The following ADGRA3 variants were observed in gnomAD, a reference collection of about 807,000 sequenced individuals.
ADGRA3 encodes the protein G-protein coupled receptor 125.
ADGRA3 carries 56 observed loss-of-function variants against 119.8 expected under a neutral mutation model. The observed-to-expected ratio is 0.47, with a 90% CI of 0.38 to 0.58. ADGRA3 has a LOEUF of 0.58. Among genes scored for constraint, ADGRA3 ranks in the 20% least tolerant of loss-of-function variants. The pLI is 0.00. For synonymous variants in ADGRA3, 607 were observed against 623.8 expected (o/e 0.97, Z 0.40); for missense variants, 1,516 against 1,649.0 (o/e 0.92, Z 1.40).
In ADGRA3 at chr4:22,388,067, C is replaced by T. The variant is rs141222776; in HGVS notation, c.3604G>A (p.Val1202Met). ...CGGCTTTTAGGTAAGCCGTTCTGCA[C>T]GCTTCCTTCCACGCTCGTTGGGACA... ...YDVPTSVEGS[V>M]QNGLPKSRLG... is the part of the protein sequence containing the mutation. Residue 1202 changes from valine (V) to methionine (M), a missense_variant, in exon 19 of 19, where the codon GTG becomes ATG. This residue lies in a region of ADGRA3 where 1,088 missense variants were observed against 1,107.1 expected (regional missense o/e 0.98). Transcript: ENST00000334304. 4.1e-5 allele frequency: 66 copies of T among 1,614,056 alleles called. No individual in the cohort carries two copies. In the Admixed American group the frequency reaches 5.5e-4, roughly 13 times the overall value.
rs776705989 is a variant in ADGRA3, at chr4:22,388,188, C to A, written c.3483G>T (p.Gln1161His). 9.9e-6 allele frequency: 16 copies of A among 1,614,096 alleles called. No individual in the cohort carries two copies. In the African/African-American group the frequency reaches 2.0e-4, roughly 20 times the overall value. The change falls in exon 19 of 19, where the codon CAG becomes CAT. Residue 1161 changes from glutamine to histidine, a missense_variant. By Grantham distance (24) the Gln-to-His change is conservative. Around this residue, in one of 2 missense-constraint regions of ADGRA3, gnomAD observed 1,088 missense variants for 1,107.1 expected, o/e 0.98. Coordinates refer to ENST00000334304, the MANE Select transcript of ADGRA3 (RefSeq NM_145290.4). ...GGCTTGAGTGCACATTTGTTCGAAA[C>A]TGAACTTCTAAAGGCGCCACGTGCA... ...IKMHVAPLEVQFRTNVHSSRH... is the reference protein window; with the variant it reads ...IKMHVAPLEVHFRTNVHSSRH...
chr4:22,499,354 G>A (rs191773146), intron 1 of ADGRA3, among the ~76,000 whole-genome samples: 1 of 152,296 alleles, frequency 6.6e-6, no homozygotes. Context: ...TTACTAGTCA[G>A]GAAAGTGAAG....
intron 2 of ADGRA3, among the ~76,000 whole-genome samples, chr4:22,463,214 C>T (rs1717535524): frequency 6.6e-6 from 1 of 152,216 alleles, no homozygotes; most frequent in Non-Finnish European, 1.5e-5. Context: ...GCTTCCAACA[C>T]TATTCTTCAT....
chr4:22,479,752 C>A (rs374315001), intron 1 of ADGRA3, among the ~76,000 whole-genome samples: 1 of 152,062 alleles, frequency 6.6e-6, no homozygotes, highest in African/African-American at 2.4e-5. Context: ...AACCCAAATG[C>A]CCATCAATGA....
chr4:22,458,696 C>T (rs1288427718), intron 3 of ADGRA3, among the ~76,000 whole-genome samples: 1 of 152,150 alleles, frequency 6.6e-6, no homozygotes, highest in Non-Finnish European at 1.5e-5. Context: ...GGCTTGGTCC[C>T]ATGCAATCTG....
chr4:22,436,100 C>T (rs1026512038), intron 9 of ADGRA3, among the ~76,000 whole-genome samples: 42 of 152,076 alleles, frequency 2.8e-4, no homozygotes, highest in African/African-American at 9.9e-4. Context: ...GTATTCTAAG[C>T]AATCGCTTTC....
At chr4:22,438,776 G>A (rs1190014182) in intron 7 of ADGRA3, among the ~76,000 whole-genome samples, 1 of 152,046 alleles carries the variant, frequency 6.6e-6, no homozygotes, top group East Asian at 1.9e-4. Context: ...CGGGTGGCAG[G>A]AGTTCAAGAC....
chr4:22,393,508 G>T (rs902216590), intron 16 of ADGRA3: 5 of 152,090 alleles, frequency 3.3e-5, no homozygotes, highest in Non-Finnish European at 7.3e-5. Context: ...ATGGTTAAGA[G>T]GGTGAACTCA....
intron 11 of ADGRA3, among the ~76,000 whole-genome samples, chr4:22,422,086 A>C (rs1394052976): frequency 6.6e-6 from 1 of 152,046 alleles, no homozygotes; most frequent in African/African-American, 2.4e-5. Context: ...TGGAGGACAG[A>C]GTGGGCGTGA....
intron 1 of ADGRA3, among the ~76,000 whole-genome samples, chr4:22,488,840 T>C (rs1171036439): frequency 6.6e-6 from 1 of 151,970 alleles, no homozygotes; most frequent in Non-Finnish European, 1.5e-5. Flanking sequence ...TCCTACAGTA[T>C]ATGCAAGTAA....
At chr4:22,427,227 TG>T (rs1715977460) in intron 10 of ADGRA3, among the ~76,000 whole-genome samples, 1 of 152,206 alleles carries the variant, frequency 6.6e-6, no homozygotes, top group African/African-American at 2.4e-5. Flanking sequence ...TTGATTTTAT[TG>T]TAAGGCACCA....
chr4:22,461,808 C>T lies in ADGRA3; in HGVS notation c.330G>A (p.Leu110=), dbSNP rs1229865402. The change falls in exon 3 of 19, where the codon TTG becomes TTA. Residue 110 remains leucine, a splice_region_variant and synonymous_variant. Coordinates refer to ENST00000334304, the MANE Select transcript of ADGRA3 (RefSeq NM_145290.4). ...SFSGLSLLER[L]DLRNNLISSI... is the part of the protein sequence containing the mutation. ...TACTAATAAGATTGTTTCGGAGGTC[C>T]CTGTTAAAAATAAAATAAAAGTTAT... The T allele has an allele frequency of 2.5e-6, 4 of 1,595,290 alleles. No homozygotes were observed. The African/African-American group carries it at 4.0e-5, about 16-fold the overall frequency.
At chr4:22,470,962 G>A (rs142130148) in intron 2 of ADGRA3, among the ~76,000 whole-genome samples, 345 of 152,280 alleles carry the variant, frequency 2.3e-3, no homozygotes, top group Non-Finnish European at 3.1e-3. Flanking sequence ...ATCTGCTATC[G>A]GTCGCTGGTT....
intron 10 of ADGRA3, among the ~76,000 whole-genome samples, chr4:22,425,712 AT>A (rs1261389373): frequency 1.3e-5 from 2 of 152,172 alleles, no homozygotes; most frequent in Non-Finnish European, 2.9e-5. Flanking sequence ...CTCCGCTGAG[AT>A]TTCAATCCCG....
chr4:22,492,791 C>T (rs967031194), intron 1 of ADGRA3, among the ~76,000 whole-genome samples: 2 of 152,098 alleles, frequency 1.3e-5, no homozygotes, highest in Non-Finnish European at 1.5e-5. Flanking sequence ...AAAGACTAGC[C>T]AAACCAAGAA....
At chr4:22,449,724 T>C (rs920678704) in intron 4 of ADGRA3, among the ~76,000 whole-genome samples, 8 of 152,006 alleles carry the variant, frequency 5.3e-5, no homozygotes, top group African/African-American at 1.4e-4. Context: ...TGTGTGCCTA[T>C]AGTCCCTGCT....
chr4:22,507,148 G>C (rs998308232), intron 1 of ADGRA3, among the ~76,000 whole-genome samples: 16 of 152,148 alleles, frequency 1.1e-4, no homozygotes, highest in South Asian at 2.1e-4. Flanking sequence ...GCTGAAGCAG[G>C]GGAATGGCGT....
In ADGRA3 at chr4:22,454,932, A is replaced by C; in HGVS notation, c.407T>G (p.Leu136Arg). ...WGLSSLKRLD[L>R]TNNRIGCLNA... The stretch of plus-strand genomic sequence containing the variant: ...CAGACATCCTATTCGATTGTTTGTC[A>C]GATCCCTAAGGAGAAGGGTGGAAAA... The change falls in exon 4 of 19, where the codon CTG (leucine) becomes CGG (arginine). Residue 136 changes from leucine (L) to arginine (R), a missense_variant. Transcript: ENST00000334304. 6.2e-7 allele frequency: 1 copy of C among 1,612,718 alleles called. No homozygotes were observed. Among genetic ancestry groups the C allele is most frequent in the South Asian group, 1.1e-5 (1 of 91,070 alleles).
chr4:22,484,754 G>T (rs1259543673), intron 1 of ADGRA3, among the ~76,000 whole-genome samples: 1 of 152,094 alleles, frequency 6.6e-6, no homozygotes, highest in African/African-American at 2.4e-5. Flanking sequence ...ATATGTACAC[G>T]TTTAGAGAAA....
Sources: gnomAD v4.1 joint callset for allele counts (sites outside exome capture counted in the v4.1 genomes callset) on GRCh38, gnomAD v4.1.1 for gene constraint, gnomAD v4.1.1 regional missense constraint, MANE v1.5 for transcripts, NCBI Gene and HGNC (gene_info 2026-07-23, HGNC 2026-07-21) for gene names.